Variants in TLK1 observed in about 807,000 individuals in gnomAD.
The protein encoded by TLK1 is tousled like kinase 1, also known as serine/threonine-protein kinase tousled-like 1.
TLK1 carries 24 observed loss-of-function variants against 105.3 expected under a neutral mutation model. The ratio of observed to expected loss-of-function variants is 0.23; its 90% CI spans 0.17 to 0.32. The LOEUF is 0.32. Among genes scored for constraint, TLK1 ranks in the 10% least tolerant of loss-of-function variants. The pLI is 1.00. For missense variants in TLK1, 558 were observed against 910.5 expected (o/e 0.61, Z 4.98); for synonymous variants, 321 against 310.4 (o/e 1.03, Z -0.36).
intron 1 of TLK1, among the ~76,000 whole-genome samples, chr2:171,118,958 C>T (rs897418884): frequency 6.6e-6 from 1 of 152,068 alleles, no homozygotes; most frequent in Non-Finnish European, 1.5e-5. Context: ...TGAAAATACA[C>T]CTTCCTCTGT....
At chr2:171,013,318 C>CTTTTTTTTTTT (rs774923512) in intron 13 of TLK1, among the ~76,000 whole-genome samples, 11 of 74,152 alleles carry the variant, frequency 1.5e-4, no homozygotes, top group African/African-American at 5.5e-4. Context: ...TGGCCCCTCA[C>CTTTTTTTTTTT]TTTTTTTTTT....
At chr2:171,016,132 G>A (rs1460762898) in intron 12 of TLK1, among the ~76,000 whole-genome samples, 1 of 152,122 alleles carries the variant, frequency 6.6e-6, no homozygotes, top group Non-Finnish European at 1.5e-5. Flanking sequence ...ATAAGCCTGT[G>A]CCAGGTTTCA....
Position 170,992,560 on chromosome 2 carries a change from C to T in TLK1, c.*1220G>A, listed in dbSNP as rs1683828232. 6.6e-6 allele frequency: 1 copy of T among 152,436 alleles called. No individual in the cohort carries two copies. The highest frequency in any genetic ancestry group is 1.5e-5 in the Non-Finnish European group (1 of 67,944). 9.4% of individuals were successfully genotyped at this position (152,436 alleles called of 1,614,324 possible). Reference sequence around the variant, plus strand: ...AGAACTTTCTAGAAATGTAGAATAACCATGAACAAATTAAAAATCTAGTAT... The same window carrying T: ...AGAACTTTCTAGAAATGTAGAATAATCATGAACAAATTAAAAATCTAGTAT... On this transcript the variant is annotated 3_prime_UTR_variant, in exon 21 of 21. Transcript: ENST00000431350.
intron 11 of TLK1, among the ~76,000 whole-genome samples, chr2:171,041,437 C>A (rs993417552): frequency 2.0e-5 from 3 of 152,204 alleles, no homozygotes; most frequent in Non-Finnish European, 4.4e-5. Context: ...CACCCCTGGG[C>A]CACAGACCTG....
intron 1 of TLK1, among the ~76,000 whole-genome samples, chr2:171,196,037 C>A (rs376191039): frequency 5.3e-3 from 590 of 111,872 alleles, no homozygotes; most frequent in East Asian, 7.3e-3. Context: ...GACTCTGTAT[C>A]AAAAAAAAAA....
intron 3 of TLK1, among the ~76,000 whole-genome samples, chr2:171,068,316 C>G (rs569383341): frequency 6.6e-6 from 1 of 151,840 alleles, no homozygotes; most frequent in Non-Finnish European, 1.5e-5. Context: ...GCAACAAGAG[C>G]AAAACTCCGC....
intron 1 of TLK1, among the ~76,000 whole-genome samples, chr2:171,170,993 C>T (rs1692715554): frequency 6.6e-6 from 1 of 152,006 alleles, no homozygotes; most frequent in Non-Finnish European, 1.5e-5. Context: ...TTACCTCACA[C>T]CAAACACAAA....
At chr2:171,074,449 G>GAAACCTTGTCTCTACTGAAAATAC (rs1688405643) in intron 3 of TLK1, among the ~76,000 whole-genome samples, 1 of 152,038 alleles carries the variant, frequency 6.6e-6, no homozygotes, top group Non-Finnish European at 1.5e-5. Flanking sequence ...CCAATGTGGT[G>GAAACCTTGTCTCTACTGAAAATAC]AAACCTTGTC....
At chr2:171,007,499 A>C (rs1268438613) in intron 14 of TLK1, among the ~76,000 whole-genome samples, 1 of 151,974 alleles carries the variant, frequency 6.6e-6, no homozygotes, top group African/African-American at 2.4e-5. Flanking sequence ...AGAAAAATTA[A>C]AAAGTTCCTA....
intron 1 of TLK1, among the ~76,000 whole-genome samples, chr2:171,182,010 G>A (rs1692936533): frequency 6.6e-6 from 1 of 152,090 alleles, no homozygotes; most frequent in Admixed American, 6.6e-5. Flanking sequence ...ACCTACTCTG[G>A]GTCGATCCAA....
chr2:171,120,710 C>T (rs1351590424), intron 1 of TLK1, among the ~76,000 whole-genome samples: 1 of 152,120 alleles, frequency 6.6e-6, no homozygotes, highest in African/African-American at 2.4e-5. Context: ...TAAAATGGTG[C>T]GGCCACTGTG....
chr2:171,203,895 T>C (rs1326423190), intron 1 of TLK1, among the ~76,000 whole-genome samples: 1 of 151,882 alleles, frequency 6.6e-6, no homozygotes, highest in Non-Finnish European at 1.5e-5. Context: ...ACTAAAAAAA[T>C]ACAAAAATTT....
At chr2:171,107,306 A>C (rs1016186846) in intron 2 of TLK1, among the ~76,000 whole-genome samples, 1 of 152,220 alleles carries the variant, frequency 6.6e-6, no homozygotes, top group Non-Finnish European at 1.5e-5. Context: ...CATTTTAGAC[A>C]CATTTCTCTT....
rs948524088 is a variant in TLK1 at position 171,222,598 on chromosome 2, G to A, written c.-6+8547C>T. ...CCACCCCCCTCTGCCTCCCAAAGTGGTCTTTTTAAATCTTTATGGCTACAT... is the reference window on the plus strand; with the variant it reads ...CCACCCCCCTCTGCCTCCCAAAGTGATCTTTTTAAATCTTTATGGCTACAT... On this transcript the variant is annotated intron_variant, in intron 1 of 20. Coordinates refer to the TLK1 transcript ENST00000521943. Among the ~76,000 whole-genome samples, 11 of 151,838 alleles carry A rather than the reference G, an allele frequency of 7.2e-5. No individual in the cohort carries two copies. In the East Asian group the frequency reaches 2.1e-3, roughly 30 times the overall value.
At chr2:171,061,570 G>C (rs1421101421) in intron 3 of TLK1, among the ~76,000 whole-genome samples, 1 of 152,112 alleles carries the variant, frequency 6.6e-6, no homozygotes, top group Non-Finnish European at 1.5e-5. Context: ...AAGTAAACTT[G>C]GATGAGAAAA....
intron 11 of TLK1, among the ~76,000 whole-genome samples, chr2:171,043,751 T>C (rs1317925981): frequency 6.6e-6 from 1 of 152,134 alleles, no homozygotes; most frequent in African/African-American, 2.4e-5. Flanking sequence ...TTTTTTTTTC[T>C]TTTAAAGAAA....
intron 2 of TLK1, among the ~76,000 whole-genome samples, chr2:171,103,159 G>A (rs1689763925): frequency 6.6e-6 from 1 of 151,928 alleles, no homozygotes; most frequent in African/African-American, 2.4e-5. Flanking sequence ...TTTAGAGGAA[G>A]GCCTTCTGAT....
chr2:171,191,321 C>A (rs1693144371), intron 1 of TLK1, among the ~76,000 whole-genome samples: 1 of 152,060 alleles, frequency 6.6e-6, no homozygotes, highest in Non-Finnish European at 1.5e-5. Flanking sequence ...TTAATCCCAA[C>A]ACTTTGAGAG....
intron 12 of TLK1, 71 bp downstream of exon 12, chr2:171,028,268 G>T (rs1270334892): frequency 2.7e-6 from 3 of 1,129,128 alleles, no homozygotes; most frequent in African/African-American, 1.5e-5. Flanking sequence ...TAAAATAAGT[G>T]ACTTATAACA....
Sources: allele counts gnomAD v4.1 joint callset (sites outside exome capture counted in the v4.1 genomes callset), GRCh38; gene constraint gnomAD v4.1.1; transcripts MANE v1.5; gene names NCBI Gene and HGNC (gene_info 2026-07-23, HGNC 2026-07-21).